Variants in UBTD1 observed in about 807,000 individuals in gnomAD.
UBTD1 encodes the protein ubiquitin domain-containing protein 1.
Under a neutral mutation model 21.7 loss-of-function variants are expected in UBTD1, and 19 were observed. That is an observed-to-expected ratio of 0.87 (90% confidence interval 0.61 to 1.28). UBTD1 has a LOEUF of 1.28. Ranked by LOEUF, UBTD1 falls within the 50% of genes most tolerant of loss-of-function variation. UBTD1 has a pLI of 0.00. For missense variants in UBTD1, 282 were observed against 315.1 expected (o/e 0.89, Z 0.80); for synonymous variants, 116 against 135.1 (o/e 0.86, Z 0.98).
At position 97,544,291 on chromosome 10, in the gene UBTD1, C is replaced by CAAA. The variant is rs35919777; in HGVS notation, c.71-23612_71-23610dup. On this transcript the variant is annotated intron_variant, in intron 1 of 2. Coordinates refer to ENST00000370664, the MANE Select transcript of UBTD1 (RefSeq NM_024954.5). Reference sequence around the variant, plus strand: ...CTGGGTGACGAGAGAAACTCTGTCTCAAAAAAAAAAAAAGGAATCTGGAGA... The same window carrying CAAA: ...CTGGGTGACGAGAGAAACTCTGTCTCAAAAAAAAAAAAAAAAGGAATCTGGAGA... Among the ~76,000 whole-genome samples the CAAA allele has an allele frequency of 1.9e-3, 260 of 139,068 alleles. 2 individuals are homozygous for CAAA. Among genetic ancestry groups the CAAA allele is most frequent in the Admixed American group, 5.3e-3 (74 of 13,868 alleles). The allele number at this position is 139,068 out of a possible 152,430, so 91.2% of individuals were successfully genotyped here.
chr10:97,524,313 C>CTA (rs2040478704), intron 1 of UBTD1, among the ~76,000 whole-genome samples: 1 of 152,044 alleles, frequency 6.6e-6, no homozygotes, highest in Admixed American at 6.6e-5. Context: ...GTTGCCCAGA[C>CTA]TAGTCTCGAA....
intron 1 of UBTD1, among the ~76,000 whole-genome samples, chr10:97,543,593 G>A (rs1189387309): frequency 6.6e-6 from 1 of 152,178 alleles, no homozygotes; most frequent in Non-Finnish European, 1.5e-5. Flanking sequence ...AGATGTGCTT[G>A]GACAGATGAA....
At chr10:97,528,251 G>T (rs2040501998) in intron 1 of UBTD1, among the ~76,000 whole-genome samples, 1 of 129,790 alleles carries the variant, frequency 7.7e-6, no homozygotes, top group Non-Finnish European at 1.7e-5. Flanking sequence ...AGGGGCGGCC[G>T]GGCAGAGGCG....
intron 1 of UBTD1, among the ~76,000 whole-genome samples, chr10:97,540,186 G>A (rs2040581228): frequency 6.6e-6 from 1 of 152,152 alleles, no homozygotes; most frequent in South Asian, 2.1e-4. Flanking sequence ...TTTTTTTGTG[G>A]GTTTTTGCTT....
intron 1 of UBTD1, among the ~76,000 whole-genome samples, chr10:97,527,645 T>C (rs1277385643): frequency 6.6e-6 from 1 of 151,990 alleles, no homozygotes; most frequent in African/African-American, 2.4e-5. Context: ...TAGGGAGTGG[T>C]GATGACTCTT....
At chr10:97,565,335 A>C (rs1460503414) in intron 1 of UBTD1, among the ~76,000 whole-genome samples, 4 of 152,226 alleles carry the variant, frequency 2.6e-5, no homozygotes, top group Non-Finnish European at 5.9e-5. Flanking sequence ...AAAATTTAGA[A>C]TCAGTTTGCC....
chr10:97,533,422 T>C (rs1036016485), intron 1 of UBTD1, among the ~76,000 whole-genome samples: 19 of 152,296 alleles, frequency 1.2e-4, no homozygotes, highest in African/African-American at 3.8e-4. Context: ...GGCTTTGCTT[T>C]CTCCTGGGTT....
At chr10:97,501,082 G>A (rs1425457776) in intron 1 of UBTD1, among the ~76,000 whole-genome samples, 6 of 152,118 alleles carry the variant, frequency 3.9e-5, no homozygotes, top group Non-Finnish European at 8.8e-5. Context: ...GGTCTGCTGG[G>A]TCTTCCTTCC....
chr10:97,509,657 T>TC (rs906554200), intron 1 of UBTD1, among the ~76,000 whole-genome samples: 3 of 151,876 alleles, frequency 2.0e-5, no homozygotes, highest in African/African-American at 4.8e-5. Context: ...TCCTTTTTTT[T>TC]CCCCCCACCC....
intron 1 of UBTD1, among the ~76,000 whole-genome samples, chr10:97,557,072 C>G (rs1182944637): frequency 1.3e-5 from 2 of 152,214 alleles, no homozygotes; most frequent in Non-Finnish European, 2.9e-5. Context: ...GGAACTGGGT[C>G]TGTAGGAACT....
At chr10:97,518,143 G>T (rs1028329152) in intron 1 of UBTD1, among the ~76,000 whole-genome samples, 5 of 152,180 alleles carry the variant, frequency 3.3e-5, no homozygotes, top group African/African-American at 1.2e-4. Flanking sequence ...TGCTGGCCTA[G>T]GGAAGAGGAC....
Position 97,570,727 on chromosome 10 carries a change from C to A in UBTD1, c.*204C>A. On this transcript the variant is annotated 3_prime_UTR_variant, in exon 3 of 3. Transcript: ENST00000370664. The surrounding 1 kb of genome is among the most constrained non-coding windows in gnomAD (Gnocchi z 6.6). ...AGCAGGCAGCCACACACGGGCCTTG[C>A]AACCTTGTCAGAGAAAAGGCGAACA... The A allele has an allele frequency of 1.6e-6, 1 of 616,560 alleles. No individual in the cohort carries two copies. The highest frequency in any genetic ancestry group is 2.8e-5 in the East Asian group (1 of 35,642). The allele number at this position is 616,560 out of a possible 1,614,324, so 38.2% of individuals were successfully genotyped here. A position where few individuals can be genotyped will look rare whatever the true frequency, so the allele number is the denominator to read the frequency against.
chr10:97,570,662 T>C lies in UBTD1; in HGVS notation c.*139T>C. The C allele has an allele frequency of 9.1e-7, 1 of 1,096,542 alleles. No homozygotes were observed. Among genetic ancestry groups the C allele is most frequent in the Non-Finnish European group, 1.3e-6 (1 of 771,376 alleles). 67.9% of individuals were successfully genotyped at this position (1,096,542 alleles called of 1,614,324 possible). A position where few individuals can be genotyped will look rare whatever the true frequency, so the allele number is the denominator to read the frequency against. On this transcript the variant is annotated 3_prime_UTR_variant, in exon 3 of 3. Coordinates refer to ENST00000370664, the MANE Select transcript of UBTD1 (RefSeq NM_024954.5). The surrounding 1 kb of genome is among the most constrained non-coding windows in gnomAD (Gnocchi z 6.6). ...GGGTGAGCCGTGAAGGGACCCTGCC[T>C]TTCAGGGCACTACGCGCCACCAGTT...
intron 1 of UBTD1, among the ~76,000 whole-genome samples, chr10:97,502,081 A>T (rs570984570): frequency 3.3e-5 from 5 of 152,200 alleles, no homozygotes; most frequent in Non-Finnish European, 4.4e-5. Flanking sequence ...ACACACACAC[A>T]TTCAGCACTT....
At chr10:97,530,238 C>T (rs896302914) in intron 1 of UBTD1, among the ~76,000 whole-genome samples, 21 of 141,810 alleles carry the variant, frequency 1.5e-4, no homozygotes, top group African/African-American at 5.0e-4. Context: ...ATGGATGAAT[C>T]GATGAATGAA....
At chr10:97,524,795 T>G (rs1211950596) in intron 1 of UBTD1, among the ~76,000 whole-genome samples, 1 of 152,192 alleles carries the variant, frequency 6.6e-6, no homozygotes, top group Non-Finnish European at 1.5e-5. Context: ...CATTGTTGTT[T>G]GCATGGTTGA....
chr10:97,533,941 A>G (rs925958259), intron 1 of UBTD1, among the ~76,000 whole-genome samples: 3 of 150,550 alleles, frequency 2.0e-5, no homozygotes, highest in Non-Finnish European at 4.4e-5. Context: ...AAAAAAAAAA[A>G]TCTTAAGCCC....
rs76718284 is a variant in UBTD1 at position 97,501,807 on chromosome 10, A to G, written c.70+2534A>G. On this transcript the variant is annotated intron_variant, in intron 1 of 2. Transcript: ENST00000370664. ...TCTTTCATCCTTTGGGTTCATTTCA[A>G]GTGCCGTGCCTTGTTTGAAGCACCT... 1.7e-3 allele frequency among the ~76,000 whole-genome samples: 257 copies of G among 152,184 alleles called. 9 individuals carry two copies. The East Asian group carries it at 0.047, about 28-fold the overall frequency.
At chr10:97,540,644 A>G (rs757434205) in intron 1 of UBTD1, among the ~76,000 whole-genome samples, 1 of 152,250 alleles carries the variant, frequency 6.6e-6, no homozygotes, top group Non-Finnish European at 1.5e-5. Flanking sequence ...GAGGTTGAAT[A>G]ACATGCCTAA....
Sources: allele counts gnomAD v4.1 joint callset (sites outside exome capture counted in the v4.1 genomes callset), GRCh38; gene constraint gnomAD v4.1.1; non-coding constraint Gnocchi (gnomAD v3.1); transcripts MANE v1.5; gene names NCBI Gene and HGNC (gene_info 2026-07-23, HGNC 2026-07-21).